PTPN2: variants seen among roughly 807,000 people sequenced by gnomAD.
PTPN2 encodes tyrosine-protein phosphatase non-receptor type 2.
Under a neutral mutation model 57.3 loss-of-function variants are expected in PTPN2, and 19 were observed. The ratio of observed to expected loss-of-function variants is 0.33; its 90% confidence interval spans 0.23 to 0.49. The LOEUF is 0.49. Among genes scored for constraint, PTPN2 ranks in the 20% least tolerant of loss-of-function variants. PTPN2 has a pLI of 0.99. For synonymous variants in PTPN2, 153 were observed against 164.9 expected, an observed-to-expected ratio of 0.93 and a Z score of 0.55; for missense variants, 358 against 501.1, an observed-to-expected ratio of 0.71 and a Z score of 2.73.
chr18:12,859,372 G>A (rs117948168), intron 1 of PTPN2, 118 bp from the exon 2 acceptor site: 45 of 627,544 alleles, frequency 7.2e-5, no homozygotes, highest in Admixed American at 1.2e-4. Flanking sequence ...ACTATGGAAA[G>A]CACATTGTTT....
intron 8 of PTPN2, among the ~76,000 whole-genome samples, chr18:12,797,352 CAAT>C (rs1226643808): frequency 2.0e-5 from 3 of 151,936 alleles, no homozygotes; most frequent in African/African-American, 7.2e-5. Flanking sequence ...CATACAAGCC[CAAT>C]AATGAGTCCC....
intron 1 of PTPN2, among the ~76,000 whole-genome samples, chr18:12,882,410 G>A (rs1049773500): frequency 1.3e-5 from 2 of 152,102 alleles, no homozygotes; most frequent in East Asian, 1.9e-4. Context: ...CTGGAAAGAG[G>A]AATCACAATT....
intron 7 of PTPN2, among the ~76,000 whole-genome samples, chr18:12,807,884 A>G (rs115215574): frequency 2.4e-3 from 369 of 152,062 alleles, no homozygotes; most frequent in African/African-American, 8.0e-3. Flanking sequence ...ACTATGGTTA[A>G]TAATATTTAA....
chr18:12,874,345 T>G (rs1598895694), intron 1 of PTPN2, among the ~76,000 whole-genome samples: 2 of 117,894 alleles, frequency 1.7e-5, no homozygotes, highest in East Asian at 2.7e-4. Context: ...GTCTGGGAGG[T>G]GAGGGGCGCC....
At chr18:12,858,381 A>G (rs945303566) in intron 2 of PTPN2, among the ~76,000 whole-genome samples, 10 of 152,240 alleles carry the variant, frequency 6.6e-5, no homozygotes, top group African/African-American at 2.2e-4. Context: ...GAATCAGAAC[A>G]AAAAATAAAA....
At chr18:12,883,064 C>G (rs752623896) in intron 1 of PTPN2, among the ~76,000 whole-genome samples, 13 of 152,164 alleles carry the variant, frequency 8.5e-5, no homozygotes, top group Non-Finnish European at 1.6e-4. Context: ...CATATTGCAT[C>G]TATGTGAGCT....
chr18:12,873,923 G>A (rs1407543573), intron 1 of PTPN2, among the ~76,000 whole-genome samples: 4 of 148,208 alleles, frequency 2.7e-5, no homozygotes, highest in African/African-American at 5.2e-5. Context: ...TGTGAGGAGC[G>A]CCTCTGCCCG....
chr18:12,857,786 G>A (rs1404489981), intron 2 of PTPN2, among the ~76,000 whole-genome samples: 1 of 152,118 alleles, frequency 6.6e-6, no homozygotes, highest in Non-Finnish European at 1.5e-5. Context: ...TGCTGCAACT[G>A]AAGAAAATGG....
At chr18:12,834,710 G>A (rs1287477383) in intron 3 of PTPN2, among the ~76,000 whole-genome samples, 1 of 150,312 alleles carries the variant, frequency 6.7e-6, no homozygotes, top group East Asian at 2.0e-4. Context: ...GGGCTGTAGT[G>A]CAGACTGGAG....
In PTPN2 at chr18:12,864,459, A is replaced by C. The variant is rs140404069; in HGVS notation, c.70-5205T>G. ...TTGCCAGGCTAGGGTGCAGTGGTGC[A>C]ATCTCGGCTCACTGCAACCTCAGCC... On this transcript the variant is annotated intron_variant, in intron 1 of 8. Transcript: ENST00000309660. Among the ~76,000 whole-genome samples, 639 of 151,874 alleles carry C rather than the reference A, an allele frequency of 4.2e-3. 10 individuals carry two copies. The highest frequency in any genetic ancestry group is 0.015 in the African/African-American group (609 of 41,394).
intron 7 of PTPN2, among the ~76,000 whole-genome samples, chr18:12,809,320 T>C (rs1192990075): frequency 6.6e-6 from 1 of 152,250 alleles, no homozygotes; most frequent in Non-Finnish European, 1.5e-5. Flanking sequence ...GTGCTCTCAC[T>C]TGTCACCATT....
intron 7 of PTPN2, among the ~76,000 whole-genome samples, chr18:12,806,177 TAACA>T (rs1276674873): frequency 6.6e-6 from 1 of 152,030 alleles, no homozygotes; most frequent in African/African-American, 2.4e-5. Flanking sequence ...TATACATCAC[TAACA>T]AACTATCTGA....
chr18:12,792,071 G>A (rs527476265), downstream of PTPN2: 2 of 302,592 alleles, frequency 6.6e-6, no homozygotes, highest in Non-Finnish European at 9.7e-6. Context: ...AATGCAGACA[G>A]ACATAAAAAA....
At chr18:12,814,839 T>C (rs1456168155) in intron 6 of PTPN2, among the ~76,000 whole-genome samples, 1 of 152,004 alleles carries the variant, frequency 6.6e-6, no homozygotes, top group Non-Finnish European at 1.5e-5. Context: ...ATGCCTGTAA[T>C]CCCAACACTT....
At chr18:12,859,728 ATATT>A (rs1397952786) in intron 1 of PTPN2, among the ~76,000 whole-genome samples, 2 of 152,202 alleles carry the variant, frequency 1.3e-5, no homozygotes, top group South Asian at 4.1e-4. Context: ...CTACCTGAAA[ATATT>A]TATTTCTTCA....
intron 2 of PTPN2, chr18:12,840,675 C>T (rs761942254): frequency 3.3e-5 from 52 of 1,591,670 alleles, no homozygotes; most frequent in Non-Finnish European, 4.1e-5. Context: ...CACTAGAGCA[C>T]AAAAATGAAA....
At chr18:12,846,570 A>T (rs1020483908) in intron 2 of PTPN2, among the ~76,000 whole-genome samples, 1 of 152,150 alleles carries the variant, frequency 6.6e-6, no homozygotes, top group Non-Finnish European at 1.5e-5. Context: ...TTTTTTGGGC[A>T]TGTCTTTATG....
chr18:12,786,100 G>C (rs1397284584), intron 9 of PTPN2: 1 of 477,768 alleles, frequency 2.1e-6, no homozygotes, highest in African/African-American at 2.0e-5. Flanking sequence ...TCTTCTTCAA[G>C]AATTATGTGA....
chr18:12,873,454 G>A (rs892623865), intron 1 of PTPN2, among the ~76,000 whole-genome samples: 1 of 152,224 alleles, frequency 6.6e-6, no homozygotes, highest in African/African-American at 2.4e-5. Flanking sequence ...TGCCTGACTG[G>A]TTTTCGTATT....
Sources: allele counts gnomAD v4.1 joint callset (sites outside exome capture counted in the v4.1 genomes callset), GRCh38; gene constraint gnomAD v4.1.1; transcripts MANE v1.5; gene names NCBI Gene and HGNC (gene_info 2026-07-23, HGNC 2026-07-21).